Variants in RMDN2 observed in about 807,000 individuals in gnomAD.
RMDN2 encodes the protein regulator of microtubule dynamics 2, also known as regulator of microtubule dynamics protein 2.
RMDN2 carries 61 observed loss-of-function variants against 52.8 expected under a neutral mutation model. The observed-to-expected ratio is 1.16, with a 90% CI of 0.94 to 1.43. The LOEUF is 1.43. Ranked by LOEUF, RMDN2 falls within the 40% of genes most tolerant of loss-of-function variation. The probability of loss-of-function intolerance (pLI) is 0.00; values close to 1 mark genes in which losing one functional copy is unlikely to be tolerated. For missense variants in RMDN2, 592 were observed against 475.3 expected, an observed-to-expected ratio of 1.25 and a Z score of -2.28; for synonymous variants, 180 against 153.1, an observed-to-expected ratio of 1.18 and a Z score of -1.30.
At chr2:38,030,160 G>T (rs1680084501) in intron 10 of RMDN2, 1 of 152,216 alleles carries the variant, frequency 6.6e-6, no homozygotes, top group African/African-American at 2.4e-5. Context: ...CTGTGACAAT[G>T]CCAGCGCCAG....
At chr2:37,942,475 A>G (rs1257867432) in intron 2 of RMDN2, among the ~76,000 whole-genome samples, 1 of 152,180 alleles carries the variant, frequency 6.6e-6, no homozygotes, top group South Asian at 2.1e-4. Context: ...TGAGTTATAG[A>G]TTAACTATAT....
intron 2 of RMDN2, among the ~76,000 whole-genome samples, chr2:37,933,556 G>T (rs937143629): frequency 1.3e-5 from 2 of 152,390 alleles, no homozygotes; most frequent in East Asian, 3.9e-4. Flanking sequence ...GATCGCTCGC[G>T]GTTAGGAGCT....
At chr2:38,027,254 AG>A (rs2125267847) in intron 10 of RMDN2, 1 of 152,322 alleles carries the variant, frequency 6.6e-6, no homozygotes, top group East Asian at 1.9e-4. Context: ...CTCTCAAAGC[AG>A]TAAGCTGGGA....
intron 10 of RMDN2, among the ~76,000 whole-genome samples, chr2:38,059,057 A>G (rs1028487607): frequency 1.3e-5 from 2 of 152,210 alleles, no homozygotes; most frequent in Non-Finnish European, 2.9e-5. Context: ...ATAAATTGAA[A>G]TGGGTTCAAT....
At chr2:37,965,933 G>A (rs746038050) in intron 2 of RMDN2, among the ~76,000 whole-genome samples, 32 of 152,018 alleles carry the variant, frequency 2.1e-4, no homozygotes, top group Admixed American at 2.6e-4. Context: ...TAAATATATC[G>A]TCCCACTGCC....
chr2:38,041,298 TG>T (rs1410350203), intron 10 of RMDN2, among the ~76,000 whole-genome samples: 5 of 152,206 alleles, frequency 3.3e-5, no homozygotes, highest in Non-Finnish European at 5.9e-5. Flanking sequence ...TGTTCCTCCT[TG>T]ATTTTTTCCT....
chr2:37,972,143 T>C (rs1671888833), intron 2 of RMDN2, among the ~76,000 whole-genome samples: 4 of 152,214 alleles, frequency 2.6e-5, no homozygotes, highest in Admixed American at 6.5e-5. Context: ...TAATTATGTT[T>C]GTAGTTTTTT....
chr2:37,990,251 G>A (rs1316526463), intron 6 of RMDN2, among the ~76,000 whole-genome samples: 1 of 151,784 alleles, frequency 6.6e-6, no homozygotes, highest in East Asian at 1.9e-4. Context: ...GGGTGTGGTG[G>A]CTCACACCTG....
At chr2:37,997,545 C>T in intron 8 of RMDN2, 31 bp downstream of exon 8, 3 of 1,345,016 alleles carry the variant, frequency 2.2e-6, no homozygotes, top group Non-Finnish European at 2.1e-6. Flanking sequence ...ATTTTAGTGT[C>T]AGACTGATTA....
intron 10 of RMDN2, chr2:38,030,742 C>A (rs1680138718): frequency 6.6e-6 from 1 of 151,962 alleles, no homozygotes; most frequent in Non-Finnish European, 1.5e-5. Context: ...AAAAGTGGTA[C>A]AAAGGTTAGA....
At chr2:38,012,070 A>G (rs925323139) in intron 10 of RMDN2, among the ~76,000 whole-genome samples, 4 of 151,982 alleles carry the variant, frequency 2.6e-5, no homozygotes, top group African/African-American at 9.7e-5. Flanking sequence ...CCCAGCTCCT[A>G]CCAATCTCTC....
intron 10 of RMDN2, among the ~76,000 whole-genome samples, chr2:38,063,836 G>C (rs922855051): frequency 4.6e-5 from 7 of 152,110 alleles, no homozygotes; most frequent in Non-Finnish European, 1.0e-4. Context: ...CCAATACTTG[G>C]TATATGTTAT....
intron 10 of RMDN2, among the ~76,000 whole-genome samples, chr2:38,055,632 A>T (rs74888416): frequency 1.4e-3 from 212 of 152,266 alleles, no homozygotes; most frequent in African/African-American, 4.9e-3. Context: ...AGCTCCCTTC[A>T]TGACTACAAG....
Position 37,935,621 on chromosome 2 carries a change from A to G in RMDN2, c.452+5892A>G, listed in dbSNP as rs1481708735. Among the ~76,000 whole-genome samples, 5 of 152,356 alleles carry G rather than the reference A, an allele frequency of 3.3e-5. No homozygotes were observed. In the East Asian group the frequency reaches 9.6e-4, roughly 29 times the overall value. Reference sequence around the variant, plus strand: ...AACTGTTATCTTGAAGTTGGTGTGCATTCTTCCTTTGAAAGTGTTAATGTT... The same window carrying G: ...AACTGTTATCTTGAAGTTGGTGTGCGTTCTTCCTTTGAAAGTGTTAATGTT... On this transcript the variant is annotated intron_variant, in intron 2 of 10. Transcript: ENST00000354545.
chr2:38,018,375 A>G (rs1679075787), downstream of RMDN2, among the ~76,000 whole-genome samples: 1 of 152,246 alleles, frequency 6.6e-6, no homozygotes, highest in Non-Finnish European at 1.5e-5. Flanking sequence ...GGTAAAATTT[A>G]TCGAGAGCCT....
At chr2:38,013,723 C>T (rs113842963) in intron 10 of RMDN2, among the ~76,000 whole-genome samples, 5 of 152,336 alleles carry the variant, frequency 3.3e-5, no homozygotes, top group South Asian at 4.1e-4. Flanking sequence ...TATCCATTCA[C>T]TCTGCCTTCC....
intron 2 of RMDN2, among the ~76,000 whole-genome samples, chr2:37,938,863 AT>A (rs1188952060): frequency 1.3e-5 from 2 of 151,944 alleles, no homozygotes; most frequent in Non-Finnish European, 2.9e-5. Flanking sequence ...GGATTCACTG[AT>A]TTTTTGAAGA....
At chr2:37,948,352 A>G (rs1490125425) in intron 2 of RMDN2, among the ~76,000 whole-genome samples, 1 of 152,200 alleles carries the variant, frequency 6.6e-6, no homozygotes, top group Non-Finnish European at 1.5e-5. Context: ...AATTATGGTT[A>G]CAGATAAACA....
At chr2:37,962,357 G>A (rs1670355351) in intron 2 of RMDN2, among the ~76,000 whole-genome samples, 1 of 152,214 alleles carries the variant, frequency 6.6e-6, no homozygotes. Context: ...GCCCCTGACT[G>A]GTGCTGCTGC....
Sources: gnomAD v4.1 joint callset for allele counts (sites outside exome capture counted in the v4.1 genomes callset) on GRCh38, gnomAD v4.1.1 for gene constraint, MANE v1.5 for transcripts, NCBI Gene and HGNC (gene_info 2026-07-23, HGNC 2026-07-21) for gene names.